SCAMP5: variants seen among roughly 807,000 people sequenced by gnomAD.
SCAMP5 encodes the protein secretory carrier-associated membrane protein 5.
A neutral mutation model predicts 28.3 loss-of-function variants in SCAMP5; 7 were observed. That is an observed-to-expected ratio of 0.25 (90% CI 0.14 to 0.46). The LOEUF is 0.46. SCAMP5 is among the 20% of genes least tolerant of loss of function. SCAMP5 has a pLI of 0.99. For synonymous variants in SCAMP5, 117 were observed against 116.4 expected, an observed-to-expected ratio of 1.00 and a Z score of -0.03; for missense variants, 192 against 312.5, an observed-to-expected ratio of 0.61 and a Z score of 2.91.
At chr15:74,998,622 A>G (rs1024411327) in intron 1 of SCAMP5, among the ~76,000 whole-genome samples, 4 of 151,274 alleles carry the variant, frequency 2.6e-5, no homozygotes, top group Non-Finnish European at 5.9e-5. Context: ...AAAAAAAAAA[A>G]GAACTTTGGT....
chr15:75,011,187 CAGAG>C (rs1211509041), intron 1 of SCAMP5, among the ~76,000 whole-genome samples: 1 of 151,604 alleles, frequency 6.6e-6, no homozygotes, highest in African/African-American at 2.4e-5. Flanking sequence ...GCCTGGGCAA[CAGAG>C]AGAGACCCTG....
At chr15:75,011,425 A>G (rs2065810689) in intron 1 of SCAMP5, among the ~76,000 whole-genome samples, 1 of 152,162 alleles carries the variant, frequency 6.6e-6, no homozygotes. Flanking sequence ...ACAAAGGCAA[A>G]AGGAGCAAAG....
rs529491407 is a variant in SCAMP5 at position 75,004,318 on chromosome 15, C to T, written c.-48-7474C>T. 5.9e-5 allele frequency among the ~76,000 whole-genome samples: 9 copies of T among 152,334 alleles called. No individual in the cohort carries two copies. The South Asian group carries it at 1.9e-3, about 32-fold the overall frequency. On this transcript the variant is annotated intron_variant, in intron 1 of 6. Transcript: ENST00000425597. ...TCATGTAGCTGAGACTACAGGCACA[C>T]ACCACCATGCTTGTTTCTGCTTTAT...
At chr15:75,001,755 A>G (rs1264913479) in intron 1 of SCAMP5, among the ~76,000 whole-genome samples, 3 of 151,550 alleles carry the variant, frequency 2.0e-5, no homozygotes, top group Non-Finnish European at 1.5e-5. Flanking sequence ...CTGTAATTCC[A>G]GCTACTCGGG....
At chr15:75,015,397 G>C (rs2065849235) in intron 3 of SCAMP5, among the ~76,000 whole-genome samples, 2 of 151,878 alleles carry the variant, frequency 1.3e-5, no homozygotes. Context: ...GGTCCCTGCT[G>C]GCCGTGACTC....
At chr15:75,012,560 C>T in intron 2 of SCAMP5, 117 bp from the exon 3 acceptor site, 10 of 1,241,626 alleles carry the variant, frequency 8.1e-6, no homozygotes, top group Non-Finnish European at 1.2e-5. Context: ...GTGGGGAAAG[C>T]AGAGTGGCCG....
intron 1 of SCAMP5, among the ~76,000 whole-genome samples, chr15:75,008,255 T>A (rs1300662123): frequency 6.6e-6 from 1 of 152,124 alleles, no homozygotes; most frequent in African/African-American, 2.4e-5. Context: ...AATAAGTATA[T>A]AAAGAATGGA....
chr15:75,002,857 T>G (rs1407865540), intron 1 of SCAMP5, among the ~76,000 whole-genome samples: 1 of 152,148 alleles, frequency 6.6e-6, no homozygotes. Flanking sequence ...AGATGAACAT[T>G]TTGATATTTC....
chr15:75,017,267 G>C (rs2065867518), intron 4 of SCAMP5, among the ~76,000 whole-genome samples: 1 of 152,002 alleles, frequency 6.6e-6, no homozygotes, highest in Non-Finnish European at 1.5e-5. Flanking sequence ...GGTGCCAGTG[G>C]GTGTCTACCT....
chr15:75,000,531 C>G (rs576083345), intron 1 of SCAMP5, among the ~76,000 whole-genome samples: 1 of 151,982 alleles, frequency 6.6e-6, no homozygotes, highest in East Asian at 1.9e-4. Flanking sequence ...ACTACGGGCC[C>G]GCCACCAAGC....
chr15:75,012,997 C>G, intron 3 of SCAMP5, 192 bp downstream of exon 3: 2 of 593,838 alleles, frequency 3.4e-6, no homozygotes. Flanking sequence ...CCCGACTGGG[C>G]CTCAGTTTCC....
intron 1 of SCAMP5, among the ~76,000 whole-genome samples, chr15:75,006,248 C>T (rs1017339874): frequency 1.4e-4 from 22 of 151,830 alleles, no homozygotes; most frequent in Admixed American, 3.9e-4. Flanking sequence ...CCTCCTGCCT[C>T]GGCCTCCCAA....
At position 75,018,035 on chromosome 15, in the gene SCAMP5, C is replaced by T. The variant is rs1482323580; in HGVS notation, c.395+64C>T. On this transcript the variant is annotated intron_variant, in intron 5 of 6. Coordinates refer to ENST00000425597, the MANE Select transcript of SCAMP5 (RefSeq NM_138967.4). This position sits in a 1 kb window ranked among gnomAD's most constrained non-coding sequence, Gnocchi z 5.6. ...GCGTTGTGGGTGTATCTTTTGCTTA[C>T]CTTTGTGTGCTAAGCTGTCTAGCCT... The T allele has an allele frequency of 5.0e-6, 5 of 1,009,452 alleles. No individual in the cohort carries two copies. Among genetic ancestry groups the T allele is most frequent in the African/African-American group, 3.2e-5 (2 of 63,254 alleles). The allele number at this position is 1,009,452 out of a possible 1,614,324, so 62.5% of individuals were successfully genotyped here.
intron 1 of SCAMP5, among the ~76,000 whole-genome samples, chr15:75,006,764 G>T (rs1307431592): frequency 2.1e-5 from 3 of 142,792 alleles, no homozygotes. Flanking sequence ...GACAGAGCGA[G>T]ACTCCATCTC....
In SCAMP5 at chr15:75,016,642, G is replaced by C. The variant is rs1184925181; in HGVS notation, c.186G>C (p.Leu62=). ...ACCTGGTGGGCTGTCTCGCGTGGCT[G>C]ATCGGAGGCGGGGGAGCCACCAACT... ...AVNLVGCLAW[L]IGGGGATNFG... is the part of the protein sequence containing the mutation. Residue 62 remains leucine, a synonymous_variant, in exon 4 of 7, where the codon CTG becomes CTC. Transcript: ENST00000425597. 6 of 1,613,708 alleles carry C rather than the reference G, an allele frequency of 3.7e-6. No homozygotes were observed. The highest frequency in any genetic ancestry group is 5.1e-6 in the Non-Finnish European group (6 of 1,179,852).
intron 1 of SCAMP5, among the ~76,000 whole-genome samples, chr15:75,003,784 T>C (rs2065731181): frequency 6.6e-6 from 1 of 152,198 alleles, no homozygotes; most frequent in Non-Finnish European, 1.5e-5. Flanking sequence ...CACTCCAGCC[T>C]GGGTGACAAA....
intron 1 of SCAMP5, among the ~76,000 whole-genome samples, chr15:75,008,045 C>T (rs1179918949): frequency 2.0e-5 from 3 of 151,950 alleles, no homozygotes; most frequent in Admixed American, 1.3e-4. Context: ...TCTAGGAGAA[C>T]ATAGGAGAAC....
At chr15:75,006,092 G>A (rs923140344) in intron 1 of SCAMP5, among the ~76,000 whole-genome samples, 1 of 148,006 alleles carries the variant, frequency 6.8e-6, no homozygotes. Context: ...CCGCCTCCCG[G>A]GTTCAAGCTA....
intron 1 of SCAMP5, among the ~76,000 whole-genome samples, chr15:74,999,548 C>T (rs750494132): frequency 6.6e-6 from 1 of 152,078 alleles, no homozygotes; most frequent in Admixed American, 6.6e-5. Context: ...GAGCCGAGAT[C>T]GCACCACTGC....
Sources: allele counts gnomAD v4.1 joint callset (sites outside exome capture counted in the v4.1 genomes callset), GRCh38; gene constraint gnomAD v4.1.1; non-coding constraint Gnocchi (gnomAD v3.1); transcripts MANE v1.5; gene names NCBI Gene and HGNC (gene_info 2026-07-23, HGNC 2026-07-21).